FBXO38: variants seen among roughly 807,000 people sequenced by gnomAD.
FBXO38 encodes the protein F-box only protein 38.
Under a neutral mutation model 131.9 loss-of-function variants are expected in FBXO38, and 53 were observed. The observed-to-expected ratio is 0.40, with a 90% CI of 0.32 to 0.51. The LOEUF (loss-of-function observed/expected upper bound fraction) is 0.51. Ranked by LOEUF, FBXO38 falls within the 20% of genes least tolerant of loss-of-function variation. FBXO38 has a pLI of 0.53. For synonymous variants in FBXO38, 452 were observed against 505.6 expected (o/e 0.89, Z 1.42); for missense variants, 1,076 against 1,475.6 (o/e 0.73, Z 4.44).
chr5:148,414,438 G>A (rs1752938487), intron 10 of FBXO38, 132 bp downstream of exon 10: 2 of 860,516 alleles, frequency 2.3e-6, no homozygotes, highest in Non-Finnish European at 3.4e-6. Flanking sequence ...GTTCATACAA[G>A]TTCTGGTAAC....
At chr5:148,395,264 C>T (rs976706214) in intron 2 of FBXO38, among the ~76,000 whole-genome samples, 1 of 152,092 alleles carries the variant, frequency 6.6e-6, no homozygotes, top group Non-Finnish European at 1.5e-5. Context: ...TGTGTTTACA[C>T]TGCACAATAT....
At chr5:148,441,929 A>G in intron 21 of FBXO38, 40 bp from the exon 22 acceptor site, 3 of 1,559,678 alleles carry the variant, frequency 1.9e-6, no homozygotes, top group Non-Finnish European at 2.6e-6. Context: ...AATGATTCTG[A>G]TTATCATATG....
chr5:148,404,499 T>G (rs1364527866), intron 5 of FBXO38, among the ~76,000 whole-genome samples, 186 bp from the exon 6 acceptor site: 2 of 152,222 alleles, frequency 1.3e-5, no homozygotes, highest in African/African-American at 4.8e-5. Flanking sequence ...ATGGTTTACG[T>G]AAACTGTTCT....
At chr5:148,436,722 G>A (rs1385142969) in intron 17 of FBXO38, among the ~76,000 whole-genome samples, 1 of 152,216 alleles carries the variant, frequency 6.6e-6, no homozygotes, top group Non-Finnish European at 1.5e-5. Flanking sequence ...TGAGATTCAA[G>A]CACTACTTCT....
chr5:148,424,236 C>G (rs1305759708), intron 13 of FBXO38, 119 bp downstream of exon 13: 2 of 949,502 alleles, frequency 2.1e-6, no homozygotes, highest in East Asian at 5.0e-5. Flanking sequence ...ACGTTTTATG[C>G]TATTGATTAC....
Position 148,442,024 on chromosome 5 carries a change from A to C in FBXO38, c.3444A>C (p.Glu1148Asp). The change falls in exon 22 of 22, where the codon GAA (glutamate) becomes GAC (aspartate). Residue 1148 changes from glutamate to aspartate, a missense_variant. This residue lies in a region of FBXO38 where 282 missense variants were observed against 418.8 expected (regional missense o/e 0.67). Transcript: ENST00000340253. Reference protein sequence around the residue: ...KGQLSADICMETIGEEISEMR... With the variant: ...KGQLSADICMDTIGEEISEMR... ...AGCTGTCTGCAGACATCTGTATGGA[A>C]ACAATAGGAGAGGAAATTTCAGAGA... 6.2e-7 allele frequency: 1 copy of C among 1,614,176 alleles called. No individual in the cohort carries two copies. Among genetic ancestry groups the C allele is most frequent in the Non-Finnish European group, 8.5e-7 (1 of 1,179,984 alleles).
chr5:148,417,144 G>T lies in FBXO38; in HGVS notation c.1558G>T (p.Asp520Tyr). The T allele has an allele frequency of 6.2e-7, 1 of 1,613,872 alleles. No homozygotes were observed. The highest frequency in any genetic ancestry group is 8.5e-7 in the Non-Finnish European group (1 of 1,179,840). ...CAATCACCATCATCCAGATGACTCA[G>T]ACGAGGAGAATGACTTTCGGCAAGA... ...DNNHHHPDDSDEENDFRQDLQ... is the reference protein window; with the variant it reads ...DNNHHHPDDSYEENDFRQDLQ... Residue 520 changes from aspartate to tyrosine, a missense_variant, in exon 12 of 22, where the codon GAC (aspartate) becomes TAC (tyrosine). Physicochemically the swap from Asp to Tyr is radical, Grantham distance 160. Coordinates refer to ENST00000340253, the MANE Select transcript of FBXO38 (RefSeq NM_205836.3).
intron 8 of FBXO38, 85 bp downstream of exon 8, chr5:148,409,302 G>T (rs1752619092): frequency 1.2e-6 from 1 of 835,212 alleles, no homozygotes. Context: ...GAATGTGTGT[G>T]TATATATGTG....
intron 12 of FBXO38, among the ~76,000 whole-genome samples, chr5:148,419,981 G>T (rs1331318458): frequency 6.7e-6 from 1 of 149,904 alleles, no homozygotes; most frequent in South Asian, 2.1e-4. Flanking sequence ...TTATAATTTG[G>T]CAGGATATTA....
chr5:148,410,493 C>G lies in FBXO38; in HGVS notation c.963-142C>G, dbSNP rs996000145. The G allele has an allele frequency of 4.0e-6, 4 of 1,008,896 alleles. No individual in the cohort carries two copies. In the Admixed American group the frequency reaches 1.0e-4, roughly 25 times the overall value. 62.5% of individuals were successfully genotyped at this position (1,008,896 alleles called of 1,614,324 possible). Reference sequence around the variant, plus strand: ...CCCCAGCCATGTGGAACTGTGAGTCCATTAAAACCTCTTTTTCTTCCCAGT... The same window carrying G: ...CCCCAGCCATGTGGAACTGTGAGTCGATTAAAACCTCTTTTTCTTCCCAGT... On this transcript the variant is annotated intron_variant, in intron 8 of 21. Transcript: ENST00000340253.
intron 15 of FBXO38, among the ~76,000 whole-genome samples, chr5:148,428,368 C>T (rs184673759): frequency 6.6e-6 from 1 of 152,292 alleles, no homozygotes; most frequent in East Asian, 1.9e-4. Flanking sequence ...CCTGTGTATA[C>T]CCCTCTTTCT....
Position 148,399,159 on chromosome 5 carries a change from A to G in FBXO38, c.262+27A>G. On this transcript the variant is annotated intron_variant, in intron 3 of 21. Transcript: ENST00000340253. ...TAAGTGGATTTAGTCTGTGAAGTAC[A>G]GTAGTGTCCTACTGGAAAGTAGTAA... 2 of 1,609,826 alleles carry G rather than the reference A, an allele frequency of 1.2e-6. No homozygotes were observed. Among genetic ancestry groups the G allele is most frequent in the East Asian group, 2.2e-5 (1 of 44,752 alleles).
chr5:148,413,975 G>A (rs577471374), intron 9 of FBXO38, 161 bp from the exon 10 acceptor site: 21 of 534,404 alleles, frequency 3.9e-5, no homozygotes, highest in Middle Eastern at 5.0e-4. Context: ...CCATATGTAC[G>A]GAATACCTAA....
rs777938088 is a variant in FBXO38 at position 148,414,244 on chromosome 5, G to C, written c.1202G>C (p.Cys401Ser). Residue 401 changes from cysteine (C) to serine (S), a missense_variant, in exon 10 of 22, where the codon TGT becomes TCT. By Grantham distance (112) the Cys-to-Ser change is moderately radical (BLOSUM62 -1). Transcript: ENST00000340253. ...GMKAVNEVFSCIKYLAIYNCP... is the reference protein window; with the variant it reads ...GMKAVNEVFSSIKYLAIYNCP... ...AAAGCAGTCAATGAAGTTTTTTCCTGTATCAAATATCTGGCAATTTACAAT... is the reference window on the plus strand; with the variant it reads ...AAAGCAGTCAATGAAGTTTTTTCCTCTATCAAATATCTGGCAATTTACAAT... 12 of 1,612,106 alleles carry C rather than the reference G, an allele frequency of 7.4e-6. No individual in the cohort carries two copies. The African/African-American group carries it at 1.6e-4, about 22-fold the overall frequency.
At chr5:148,396,078 A>G (rs1304832692) in intron 2 of FBXO38, among the ~76,000 whole-genome samples, 1 of 152,132 alleles carries the variant, frequency 6.6e-6, no homozygotes, top group Non-Finnish European at 1.5e-5. Context: ...TTTTTCTAAT[A>G]TAAATGTGTA....
chr5:148,424,172 A>G, intron 13 of FBXO38, 55 bp downstream of exon 13: 1 of 1,547,284 alleles, frequency 6.5e-7, no homozygotes, highest in Non-Finnish European at 8.8e-7. Context: ...CCTAACTGTA[A>G]TGAAGTACAT....
chr5:148,432,025 C>G (rs1754069248), intron 15 of FBXO38, among the ~76,000 whole-genome samples: 1 of 152,160 alleles, frequency 6.6e-6, no homozygotes, highest in Non-Finnish European at 1.5e-5. Flanking sequence ...GACCCCAAGC[C>G]TTTAGGAATT....
At chr5:148,410,590 A>T (rs774029899) in intron 8 of FBXO38, 45 bp from the exon 9 acceptor site, 1 of 1,605,758 alleles carries the variant, frequency 6.2e-7, no homozygotes, top group Non-Finnish European at 8.5e-7. Flanking sequence ...TTTGATTCTG[A>T]TGGTTTTTGT....
chr5:148,410,475 C>T (rs1752685610), intron 8 of FBXO38, 160 bp from the exon 9 acceptor site: 1 of 816,938 alleles, frequency 1.2e-6, no homozygotes, highest in Non-Finnish European at 1.9e-6. Context: ...CCTCCCCAGC[C>T]ATGTGGAACT....
Sources: allele counts gnomAD v4.1 joint callset (sites outside exome capture counted in the v4.1 genomes callset), GRCh38; gene constraint gnomAD v4.1.1; regional missense constraint gnomAD v4.1.1; transcripts MANE v1.5; gene names NCBI Gene and HGNC (gene_info 2026-07-23, HGNC 2026-07-21).